TAPT1: variants seen among roughly 807,000 people sequenced by gnomAD.
TAPT1 encodes transmembrane anterior posterior transformation protein 1 homolog.
Under a neutral mutation model 65.6 loss-of-function variants are expected in TAPT1, and 28 were observed. The observed-to-expected ratio is 0.43, with a 90% CI of 0.32 to 0.59. The LOEUF is 0.59. Ranked by LOEUF, TAPT1 falls within the 20% of genes least tolerant of loss-of-function variation. The pLI is 0.09. For synonymous variants in TAPT1, 278 were observed against 245.2 expected (o/e 1.13, Z -1.25); for missense variants, 563 against 679.9 (o/e 0.83, Z 1.91).
At chr4:16,198,202 C>T (rs1749827903) in intron 3 of TAPT1, among the ~76,000 whole-genome samples, 1 of 152,090 alleles carries the variant, frequency 6.6e-6, no homozygotes, top group Non-Finnish European at 1.5e-5. Context: ...AGTCAAAAAC[C>T]ATGGCAAGTT....
intron 3 of TAPT1, among the ~76,000 whole-genome samples, chr4:16,192,228 T>A (rs1370515063): frequency 6.6e-6 from 1 of 152,222 alleles, no homozygotes; most frequent in African/African-American, 2.4e-5. Context: ...CAACTAGCAA[T>A]GTCATGAGAA....
rs28551753 is a variant in TAPT1 at position 16,163,567 on chromosome 4, G to C, written c.1475-30C>G. The C allele has an allele frequency of 7.2e-4, 1,104 of 1,528,616 alleles. 8 individuals are homozygous for C. In the African/African-American group the frequency reaches 0.013, roughly 17 times the overall value. The allele number at this position is 1,528,616 out of a possible 1,614,324, so 94.7% of individuals were successfully genotyped here. ...GATAAAATAGATCCATTAAATTAGA[G>C]AAAGACTTTTCTCCAATTATTAATA... On this transcript the variant is annotated intron_variant, in intron 13 of 13. Coordinates refer to ENST00000405303, the MANE Select transcript of TAPT1 (RefSeq NM_153365.3).
rs1749689977 is a variant in TAPT1 at position 16,196,073 on chromosome 4, T to C, written c.450-4550A>G. Reference sequence around the variant, plus strand: ...AACACAAGCACTACTGAAATAAAAATGCAAAATAATATGTTTTTATTTTTG... The same window carrying C: ...AACACAAGCACTACTGAAATAAAAACGCAAAATAATATGTTTTTATTTTTG... On this transcript the variant is annotated intron_variant, in intron 3 of 13. Coordinates refer to ENST00000405303, the MANE Select transcript of TAPT1 (RefSeq NM_153365.3). 2.0e-5 allele frequency among the ~76,000 whole-genome samples: 3 copies of C among 152,188 alleles called. No homozygotes were observed. The South Asian group carries it at 6.2e-4, about 31-fold the overall frequency.
chr4:16,211,464 T>C (rs1171498685), intron 2 of TAPT1, among the ~76,000 whole-genome samples: 1 of 152,196 alleles, frequency 6.6e-6, no homozygotes, highest in East Asian at 1.9e-4. Context: ...TTGGCTTTCC[T>C]CTACATCCCA....
chr4:16,216,714 C>T (rs1750961250), intron 1 of TAPT1, among the ~76,000 whole-genome samples: 1 of 152,136 alleles, frequency 6.6e-6, no homozygotes, highest in South Asian at 2.1e-4. Flanking sequence ...TCCTATACTC[C>T]ACCCTGGTTT....
chr4:16,203,450 CTTTAAAGAGGTAATTTAAG>C (rs1750163155), intron 2 of TAPT1, among the ~76,000 whole-genome samples: 2 of 152,040 alleles, frequency 1.3e-5, no homozygotes, highest in African/African-American at 4.8e-5. Flanking sequence ...GACATAGGGT[CTTTAAAGAGGTAATTTAAG>C]TTCCTATGTT....
intron 13 of TAPT1, among the ~76,000 whole-genome samples, chr4:16,163,949 G>A (rs936369135): frequency 1.3e-5 from 2 of 152,150 alleles, no homozygotes; most frequent in Non-Finnish European, 2.9e-5. Flanking sequence ...GTCATCTGTA[G>A]TCACTTCAGC....
At chr4:16,207,511 C>T (rs1750418538) in intron 2 of TAPT1, among the ~76,000 whole-genome samples, 1 of 152,214 alleles carries the variant, frequency 6.6e-6, no homozygotes, top group African/African-American at 2.4e-5. Context: ...ATCTTTCCAT[C>T]TACCCTCACC....
chr4:16,177,292 C>A (rs1344207356), intron 8 of TAPT1, among the ~76,000 whole-genome samples: 1 of 152,058 alleles, frequency 6.6e-6, no homozygotes, highest in African/African-American at 2.4e-5. Flanking sequence ...TTTTTTAATG[C>A]CAATTCAGTA....
chr4:16,192,435 C>G (rs1409440300), intron 3 of TAPT1, among the ~76,000 whole-genome samples: 1 of 152,144 alleles, frequency 6.6e-6, no homozygotes, highest in Non-Finnish European at 1.5e-5. Flanking sequence ...GTTTATAGGA[C>G]AGCTTTTGTA....
At chr4:16,179,802 AT>A (rs922045679) in intron 7 of TAPT1, 145 bp from the exon 8 acceptor site, 10 of 309,914 alleles carry the variant, frequency 3.2e-5, no homozygotes, top group Non-Finnish European at 5.9e-5. Flanking sequence ...ATATATATAT[AT>A]GTGTGTGTGT....
At position 16,161,492 on chromosome 4, in the gene TAPT1, T is replaced by C. The variant is rs527497347; in HGVS notation, c.*1816A>G. 5 of 152,706 alleles carry C rather than the reference T, an allele frequency of 3.3e-5. No individual in the cohort carries two copies. The highest frequency in any genetic ancestry group is 2.1e-4 in the South Asian group (1 of 4,820). The allele number at this position is 152,706 out of a possible 1,614,324, so 9.5% of individuals were successfully genotyped here. On this transcript the variant is annotated 3_prime_UTR_variant, in exon 14 of 14. Coordinates refer to ENST00000405303, the MANE Select transcript of TAPT1 (RefSeq NM_153365.3). Reference sequence around the variant, plus strand: ...CGGAACTGAAGATCTATCCAAACCATGTTCCTGCTCTGAAATCAGGGTTGT... The same window carrying C: ...CGGAACTGAAGATCTATCCAAACCACGTTCCTGCTCTGAAATCAGGGTTGT...
intron 1 of TAPT1, among the ~76,000 whole-genome samples, chr4:16,217,382 G>C (rs1750999684): frequency 6.6e-6 from 1 of 152,166 alleles, no homozygotes; most frequent in Non-Finnish European, 1.5e-5. Context: ...AGCTAAAAAT[G>C]AAATGGAAAG....
rs568245730 is a variant in TAPT1, at chr4:16,191,432, A to T, written c.541T>A (p.Tyr181Asn). 1.0e-5 allele frequency: 16 copies of T among 1,588,652 alleles called. No homozygotes were observed. Among genetic ancestry groups the T allele is most frequent in the Non-Finnish European group, 1.4e-5 (16 of 1,167,082 alleles). Residue 181 changes from tyrosine (Y) to asparagine (N), a missense_variant, in exon 4 of 14, where the codon TAC becomes AAC. Tyr to Asn is a moderately radical substitution (Grantham distance 143). Coordinates refer to ENST00000405303, the MANE Select transcript of TAPT1 (RefSeq NM_153365.3). The stretch of plus-strand genomic sequence containing the variant: ...CTTATCAGGTGGTACATCATGGAGT[A>T]GTCAACATAGTGCATCATAAAATAG... ...ICYFMMHYVD[Y>N]SMMYHLIRGQ...
intron 13 of TAPT1, among the ~76,000 whole-genome samples, chr4:16,165,066 T>C (rs1467368878): frequency 3.3e-5 from 5 of 152,132 alleles, no homozygotes; most frequent in African/African-American, 1.2e-4. Context: ...ATGCTGGCCC[T>C]TCTGGAGTGC....
chr4:16,223,435 C>T (rs1560195221), intron 1 of TAPT1, among the ~76,000 whole-genome samples: 2 of 152,290 alleles, frequency 1.3e-5, no homozygotes, highest in East Asian at 3.9e-4. Context: ...TTCTTGATAA[C>T]CACTACATCC....
chr4:16,217,150 A>T (rs1418156497), intron 1 of TAPT1, among the ~76,000 whole-genome samples: 1 of 152,158 alleles, frequency 6.6e-6, no homozygotes, highest in South Asian at 2.1e-4. Context: ...TTTCTCAGGC[A>T]GAGTCTGTCC....
At chr4:16,167,882 G>A (rs1477591125) in intron 12 of TAPT1, among the ~76,000 whole-genome samples, 2 of 151,968 alleles carry the variant, frequency 1.3e-5, no homozygotes, top group African/African-American at 2.4e-5. Flanking sequence ...CCTATTTCTG[G>A]ATATTTAGAT....
chr4:16,214,008 ATGTTATCTATAAT>A, intron 1 of TAPT1, 110 bp from the exon 2 acceptor site: 1 of 826,802 alleles, frequency 1.2e-6, no homozygotes, highest in Non-Finnish European at 1.8e-6. Flanking sequence ...ACCAAAATAA[ATGTTATCTATAAT>A]TCTATGCCTA....
Sources: gnomAD v4.1 joint callset for allele counts (sites outside exome capture counted in the v4.1 genomes callset) on GRCh38, gnomAD v4.1.1 for gene constraint, MANE v1.5 for transcripts, NCBI Gene and HGNC (gene_info 2026-07-23, HGNC 2026-07-21) for gene names.